Variants in TEAD4 observed in about 807,000 individuals in gnomAD.
TEAD4 encodes the protein TEA domain transcription factor 4, also known as transcriptional enhancer factor TEF-3.
TEAD4 carries 36 observed loss-of-function variants against 52.4 expected under a neutral mutation model. That is an observed-to-expected ratio of 0.69 (90% confidence interval 0.53 to 0.91). The LOEUF (loss-of-function observed/expected upper bound fraction) is 0.91. Ranked by LOEUF, TEAD4 falls within the 40% of genes least tolerant of loss-of-function variation. TEAD4 has a pLI of 0.00. For missense variants in TEAD4, 508 were observed against 583.9 expected, an observed-to-expected ratio of 0.87 and a Z score of 1.34; for synonymous variants, 220 against 231.0, an observed-to-expected ratio of 0.95 and a Z score of 0.43.
In TEAD4 at chr12:3,028,334, T is replaced by C. The variant is rs576417975; in HGVS notation, c.897+6317T>C. 7.9e-4 allele frequency among the ~76,000 whole-genome samples: 120 copies of C among 152,358 alleles called. 1 individual carries two copies. Among genetic ancestry groups the C allele is most frequent in the African/African-American group, 2.7e-3 (111 of 41,580 alleles). On this transcript the variant is annotated intron_variant, in intron 10 of 12. Transcript: ENST00000359864. ...TCCATATGCTTATGTCTGGAATTACTGGGTCATATGGCAACTCTCTTTCAC... is the reference window on the plus strand; with the variant it reads ...TCCATATGCTTATGTCTGGAATTACCGGGTCATATGGCAACTCTCTTTCAC...
At chr12:3,017,308 G>T in intron 5 of TEAD4, 90 bp from the exon 6 acceptor site, 1 of 1,571,472 alleles carries the variant, frequency 6.4e-7, no homozygotes, top group East Asian at 2.3e-5. Context: ...CTGGCAGCGA[G>T]ACAGCTTCCC....
At chr12:2,970,459 G>C (rs1023334170) in intron 2 of TEAD4, among the ~76,000 whole-genome samples, 1 of 152,158 alleles carries the variant, frequency 6.6e-6, no homozygotes, top group Admixed American at 6.5e-5. Flanking sequence ...TTCTTTCCCC[G>C]GCACATAATA....
intron 10 of TEAD4, among the ~76,000 whole-genome samples, chr12:3,028,726 G>A (rs1357520822): frequency 6.6e-6 from 1 of 151,970 alleles, no homozygotes; most frequent in East Asian, 1.9e-4. Context: ...TGCCTCCCAG[G>A]TTCAACTGAT....
intron 11 of TEAD4, among the ~76,000 whole-genome samples, chr12:3,038,858 C>T (rs1347396024): frequency 3.3e-5 from 5 of 152,222 alleles, no homozygotes; most frequent in Admixed American, 1.3e-4. Flanking sequence ...GGGCCCGCTG[C>T]GTAGTGGCAG....
chr12:2,992,058 G>T (rs1187537643), intron 2 of TEAD4, among the ~76,000 whole-genome samples: 2 of 124,358 alleles, frequency 1.6e-5, no homozygotes, highest in African/African-American at 5.9e-5. Flanking sequence ...TCGCTCTGTC[G>T]CCCAGGCTGG....
chr12:2,976,777 C>T (rs1345718550), intron 2 of TEAD4, among the ~76,000 whole-genome samples: 2 of 151,470 alleles, frequency 1.3e-5, no homozygotes, highest in Non-Finnish European at 2.9e-5. Context: ...TACTCGCCAC[C>T]CCATTGCCGC....
At chr12:2,964,820 C>A (rs1046103644) in intron 2 of TEAD4, among the ~76,000 whole-genome samples, 1 of 152,036 alleles carries the variant, frequency 6.6e-6, no homozygotes, top group South Asian at 2.1e-4. Flanking sequence ...GTGGGTGGAA[C>A]GTTCTGGAGG....
At position 2,959,963 on chromosome 12, in the gene TEAD4, C is replaced by T. The variant is rs961475249; in HGVS notation, c.-107C>T. On this transcript the variant is annotated 5_prime_UTR_variant, in exon 2 of 13. Coordinates refer to ENST00000359864, the MANE Select transcript of TEAD4 (RefSeq NM_003213.4). This position sits in a 1 kb window ranked among gnomAD's most constrained non-coding sequence, Gnocchi z 5.1. The stretch of plus-strand genomic sequence containing the variant: ...GTCCCCGCAGAACGATCGCCGCGGC[C>T]GGAAGAGTTGGCGCTCGGGGCGGAC... 6.6e-6 allele frequency: 1 copy of T among 152,352 alleles called. No homozygotes were observed. The highest frequency in any genetic ancestry group is 1.5e-5 in the Non-Finnish European group (1 of 68,048). 9.4% of individuals were successfully genotyped at this position (152,352 alleles called of 1,614,324 possible).
intron 10 of TEAD4, among the ~76,000 whole-genome samples, 166 bp downstream of exon 10, chr12:3,022,183 A>G (rs1378123409): frequency 6.6e-6 from 1 of 152,142 alleles, no homozygotes; most frequent in Non-Finnish European, 1.5e-5. Flanking sequence ...GTTGGAGCTG[A>G]GCCGAGGAGC....
At chr12:3,027,193 A>G (rs1000177089) in intron 10 of TEAD4, among the ~76,000 whole-genome samples, 19 of 152,058 alleles carry the variant, frequency 1.2e-4, no homozygotes, top group African/African-American at 4.6e-4. Flanking sequence ...GGGTTTCGCT[A>G]TGTTGGCCAG....
intron 5 of TEAD4, among the ~76,000 whole-genome samples, chr12:3,015,890 A>T (rs2098264115): frequency 6.6e-6 from 1 of 152,052 alleles, no homozygotes; most frequent in African/African-American, 2.4e-5. Flanking sequence ...ATTAAAAAAA[A>T]ATTCATGGGT....
intron 3 of TEAD4, among the ~76,000 whole-genome samples, chr12:3,004,374 A>C (rs958933418): frequency 4.6e-5 from 7 of 152,208 alleles, no homozygotes; most frequent in African/African-American, 1.7e-4. Flanking sequence ...TGAGACTGTG[A>C]ATAAGTCATT....
In TEAD4 at chr12:2,959,870, G is replaced by C. The variant is rs2098213834; in HGVS notation, c.-122-78G>C. ...CGGCGCGGGGTGGGCTTGGCCCCGC[G>C]GCCCCGCCTTCACTGCGCCGCCCGT... On this transcript the variant is annotated intron_variant, in intron 1 of 12. Coordinates refer to ENST00000359864, the MANE Select transcript of TEAD4 (RefSeq NM_003213.4). This position sits in a 1 kb window ranked among gnomAD's most constrained non-coding sequence, Gnocchi z 5.1. 1 of 151,734 alleles carries C rather than the reference G, an allele frequency of 6.6e-6. No individual in the cohort carries two copies. The highest frequency in any genetic ancestry group is 2.4e-5 in the African/African-American group (1 of 41,376). 9.4% of individuals were successfully genotyped at this position (151,734 alleles called of 1,614,324 possible). A position where few individuals can be genotyped will look rare whatever the true frequency, so the allele number is the denominator to read the frequency against.
intron 2 of TEAD4, among the ~76,000 whole-genome samples, chr12:2,985,276 T>G (rs2098237219): frequency 6.6e-6 from 1 of 151,062 alleles, no homozygotes; most frequent in African/African-American, 2.4e-5. Context: ...TCCCAGCTGC[T>G]CAGGAGGCTG....
intron 9 of TEAD4, 116 bp from the exon 10 acceptor site, chr12:3,021,728 G>A: frequency 9.8e-7 from 1 of 1,015,732 alleles, no homozygotes; most frequent in South Asian, 1.6e-5. Context: ...GGGAAACTAT[G>A]GCCCAGAAAG....
At chr12:2,964,560 C>T (rs192398638) in intron 2 of TEAD4, among the ~76,000 whole-genome samples, 5 of 151,096 alleles carry the variant, frequency 3.3e-5, no homozygotes, top group African/African-American at 4.9e-5. Flanking sequence ...TGGATTCAAG[C>T]GATTCTCCTG....
intron 10 of TEAD4, among the ~76,000 whole-genome samples, chr12:3,033,176 T>C (rs1211782558): frequency 6.6e-6 from 1 of 152,168 alleles, no homozygotes; most frequent in Non-Finnish European, 1.5e-5. Flanking sequence ...CCGTCTCCAG[T>C]CCAGCCTCCC....
At chr12:2,992,017 T>C (rs55691914) in intron 2 of TEAD4, among the ~76,000 whole-genome samples, 376 of 1,494 alleles carry the variant, frequency 0.25, 12 homozygotes, top group African/African-American at 0.37. Context: ...CGGTTCCTGC[T>C]TTTTTTTTTT....
intron 2 of TEAD4, among the ~76,000 whole-genome samples, chr12:2,972,568 C>T (rs558366491): frequency 3.1e-5 from 4 of 128,608 alleles, no homozygotes; most frequent in Non-Finnish European, 4.7e-5. Context: ...GGTGCAATCT[C>T]GGCTCACTGC....
Sources: allele counts gnomAD v4.1 joint callset (sites outside exome capture counted in the v4.1 genomes callset), GRCh38; gene constraint gnomAD v4.1.1; non-coding constraint Gnocchi (gnomAD v3.1); transcripts MANE v1.5; gene names NCBI Gene and HGNC (gene_info 2026-07-23, HGNC 2026-07-21).